Variants in VDR observed in about 807,000 individuals in gnomAD.
The protein encoded by VDR is vitamin D3 receptor.
VDR carries 19 observed loss-of-function variants against 39.7 expected under a neutral mutation model. The observed-to-expected ratio is 0.48, with a 90% confidence interval of 0.33 to 0.70. The LOEUF (loss-of-function observed/expected upper bound fraction) is 0.70. VDR is among the 30% of genes least tolerant of loss of function. VDR has a pLI of 0.02. For missense variants in VDR, 442 were observed against 570.5 expected, an observed-to-expected ratio of 0.77 and a Z score of 2.29; for synonymous variants, 242 against 215.8, an observed-to-expected ratio of 1.12 and a Z score of -1.07.
chr12:47,873,537 A>AT (rs1451937336), intron 3 of VDR, among the ~76,000 whole-genome samples: 13 of 147,954 alleles, frequency 8.8e-5, no homozygotes, highest in Non-Finnish European at 1.6e-4. Flanking sequence ...AATTTTTTGT[A>AT]TTTTTAGTAG....
intron 1 of VDR, among the ~76,000 whole-genome samples, chr12:47,900,308 G>A (rs1165333365): frequency 2.0e-5 from 3 of 152,166 alleles, no homozygotes; most frequent in African/African-American, 4.8e-5. Context: ...GTTCAAACTA[G>A]TTAGTACATC....
At chr12:47,875,179 T>C (rs1014889901) in intron 3 of VDR, among the ~76,000 whole-genome samples, 3 of 152,234 alleles carry the variant, frequency 2.0e-5, no homozygotes, top group African/African-American at 7.2e-5. Flanking sequence ...TTCAGCTAGA[T>C]TATGAGTCTT....
At chr12:47,901,860 G>C (rs1946567389) in intron 1 of VDR, among the ~76,000 whole-genome samples, 1 of 152,204 alleles carries the variant, frequency 6.6e-6, no homozygotes, top group Admixed American at 6.5e-5. Flanking sequence ...AACCAAAGGT[G>C]AGGCCAGTCA....
chr12:47,870,693 C>T (rs577400247), intron 3 of VDR, among the ~76,000 whole-genome samples: 4 of 152,298 alleles, frequency 2.6e-5, no homozygotes, highest in African/African-American at 7.2e-5. Flanking sequence ...CAGAGACGCA[C>T]GTTGCATAAC....
intron 1 of VDR, among the ~76,000 whole-genome samples, chr12:47,891,701 G>T (rs1454313094): frequency 6.6e-6 from 1 of 152,158 alleles, no homozygotes; most frequent in Non-Finnish European, 1.5e-5. Context: ...CTCCCAAGTT[G>T]TCACTGATTA....
At chr12:47,882,623 G>GCCCCCCCCCCCCCCCCCCCCCC in intron 2 of VDR, 71 bp downstream of exon 2, 2 of 543,282 alleles carry the variant, frequency 3.7e-6, no homozygotes, top group Non-Finnish European at 6.5e-6. Flanking sequence ...ACCTTCTTAT[G>GCCCCCCCCCCCCCCCCCCCCCC]CCCCTCCCCC....
At chr12:47,870,497 C>A (rs1229473707) in intron 3 of VDR, among the ~76,000 whole-genome samples, 1 of 152,144 alleles carries the variant, frequency 6.6e-6, no homozygotes, top group Admixed American at 6.5e-5. Context: ...GTGGGGCAAC[C>A]AAGCTAAATA....
chr12:47,870,779 G>C (rs941440915), intron 3 of VDR, among the ~76,000 whole-genome samples: 2 of 152,212 alleles, frequency 1.3e-5, no homozygotes, highest in African/African-American at 2.4e-5. Context: ...GTCTGCTCAG[G>C]ATACAGGAAC....
chr12:47,850,776 G>T (rs2239185), intron 7 of VDR, among the ~76,000 whole-genome samples: 1 of 151,392 alleles, frequency 6.6e-6, no homozygotes, highest in Non-Finnish European at 1.5e-5. Context: ...CTGTCTTCAC[G>T]CCTGCAGCCG....
At chr12:47,888,534 TTTTCCAATGGAAACTC>T (rs1365759333) in intron 1 of VDR, among the ~76,000 whole-genome samples, 1 of 152,202 alleles carries the variant, frequency 6.6e-6, no homozygotes. Flanking sequence ...CAAGCTGCTT[TTTTCCAATGGAAACTC>T]TGCCCTTAGC....
intron 3 of VDR, among the ~76,000 whole-genome samples, chr12:47,873,735 C>G (rs1306966471): frequency 1.3e-5 from 2 of 152,134 alleles, no homozygotes; most frequent in African/African-American, 2.4e-5. Flanking sequence ...ATACACTGAT[C>G]TTCATATATA....
intron 1 of VDR, chr12:47,904,740 T>G (rs1181470266): frequency 8.8e-7 from 1 of 1,138,072 alleles, no homozygotes; most frequent in Non-Finnish European, 1.2e-6. Flanking sequence ...GCTGCTCCCC[T>G]CGCCAGCCTG....
At chr12:47,885,205 G>C (rs1946229906) in intron 1 of VDR, among the ~76,000 whole-genome samples, 1 of 152,182 alleles carries the variant, frequency 6.6e-6, no homozygotes, top group Admixed American at 6.5e-5. Context: ...GAGAAGCAGA[G>C]GGGGAGGAGC....
intron 1 of VDR, among the ~76,000 whole-genome samples, chr12:47,897,989 A>G (rs1404052537): frequency 6.6e-6 from 1 of 152,196 alleles, no homozygotes; most frequent in Non-Finnish European, 1.5e-5. Context: ...AGGAAAATAT[A>G]TATTCCTCCC....
At chr12:47,904,670 T>C (rs1408311022) in intron 1 of VDR, 4 of 1,530,322 alleles carry the variant, frequency 2.6e-6, no homozygotes, top group South Asian at 2.4e-5. Flanking sequence ...AAATACTTCT[T>C]GTTGCCCAAG....
At chr12:47,880,735 G>A (rs537229285) in intron 2 of VDR, among the ~76,000 whole-genome samples, 6 of 151,702 alleles carry the variant, frequency 4.0e-5, no homozygotes, top group African/African-American at 1.2e-4. Context: ...GGCAAAGATC[G>A]CAATTACTTT....
At chr12:47,882,968 G>A (rs980820572) in intron 1 of VDR, 194 bp from the exon 2 acceptor site, 11 of 531,282 alleles carry the variant, frequency 2.1e-5, no homozygotes, top group Non-Finnish European at 3.6e-5. Flanking sequence ...CGGCTGGGCA[G>A]CAGCCAGGAT....
chr12:47,855,510 A>G, intron 7 of VDR, 120 bp downstream of exon 7: 2 of 1,213,642 alleles, frequency 1.6e-6, no homozygotes, highest in Non-Finnish European at 2.3e-6. Context: ...ACAGAGCAAG[A>G]TGCCGTTTAA....
rs180737295 is a variant in VDR at position 47,849,480 on chromosome 12, C to T, written c.756-2672G>A. Among the ~76,000 whole-genome samples, 72 of 152,344 alleles carry T rather than the reference C, an allele frequency of 4.7e-4. 1 individual carries two copies. The East Asian group carries it at 8.5e-3, about 18-fold the overall frequency. ...GAGCTACAATCCACGTGATAGTACA[C>T]TCATTTGTGGTTTACAGTTTTGTGC... is the stretch of plus-strand genomic sequence containing the variant. On this transcript the variant is annotated intron_variant, in intron 7 of 9. Transcript: ENST00000549336.
Sources: allele counts gnomAD v4.1 joint callset (sites outside exome capture counted in the v4.1 genomes callset), GRCh38; gene constraint gnomAD v4.1.1; transcripts MANE v1.5; gene names NCBI Gene and HGNC (gene_info 2026-07-23, HGNC 2026-07-21).